The following CAPRIN2 variants were observed in gnomAD, a reference collection of about 807,000 sequenced individuals.
The protein encoded by CAPRIN2 is caprin family member 2.
Under a neutral mutation model 130.4 loss-of-function variants are expected in CAPRIN2, and 66 were observed. The ratio of observed to expected loss-of-function variants is 0.51; its 90% CI spans 0.42 to 0.62. CAPRIN2 has a LOEUF of 0.62. CAPRIN2 is among the 20% of genes least tolerant of loss of function. The probability of loss-of-function intolerance (pLI) is 0.00; values close to 1 mark genes in which losing one functional copy is unlikely to be tolerated. For missense variants in CAPRIN2, 1,185 were observed against 1,246.6 expected (o/e 0.95, Z 0.74); for synonymous variants, 471 against 444.1 (o/e 1.06, Z -0.76).
rs2064933649 is a variant in CAPRIN2 at position 30,725,870 on chromosome 12, C to A, written c.1905+96G>T. On this transcript the variant is annotated intron_variant, in intron 9 of 16. Coordinates refer to ENST00000298892, the Ensembl canonical transcript of CAPRIN2. ...GAGCTAGGAGGCAGCAGAGCCAGGACTTGACAGAATAATCTATGCTCTTAA... is the reference window on the plus strand; with the variant it reads ...GAGCTAGGAGGCAGCAGAGCCAGGAATTGACAGAATAATCTATGCTCTTAA... 3 of 1,112,272 alleles carry A rather than the reference C, an allele frequency of 2.7e-6. No homozygotes were observed. The South Asian group carries it at 9.4e-5, about 35-fold the overall frequency. The allele number at this position is 1,112,272 out of a possible 1,614,324, so 68.9% of individuals were successfully genotyped here.
At chr12:30,720,222 T>G (rs560198674) in intron 12 of CAPRIN2, 1 of 152,504 alleles carries the variant, frequency 6.6e-6, no homozygotes, top group South Asian at 2.1e-4. Context: ...TACCTGGGAC[T>G]AGAGGCATGA....
intron 2 of CAPRIN2, among the ~76,000 whole-genome samples, chr12:30,742,589 T>C (rs2068002722): frequency 6.6e-6 from 1 of 150,914 alleles, no homozygotes; most frequent in African/African-American, 2.4e-5. Context: ...GATATAAAAA[T>C]ACTAAATATA....
At chr12:30,734,786 G>A (rs1208157330) in intron 4 of CAPRIN2, among the ~76,000 whole-genome samples, 182 bp downstream of exon 5, 1 of 151,612 alleles carries the variant, frequency 6.6e-6, no homozygotes, top group African/African-American at 2.4e-5. Context: ...CAGACTCTGG[G>A]CCAGCCAAGG....
At chr12:30,737,101 C>T (rs1592188257) in intron 3 of CAPRIN2, among the ~76,000 whole-genome samples, 1 of 151,990 alleles carries the variant, frequency 6.6e-6, no homozygotes, top group Admixed American at 6.5e-5. Flanking sequence ...ACCTCTTGAG[C>T]TCAAGTGATC....
chr12:30,741,331 T>C (rs774417975), intron 2 of CAPRIN2, among the ~76,000 whole-genome samples: 80 of 152,140 alleles, frequency 5.3e-4, no homozygotes, highest in Non-Finnish European at 9.4e-4. Context: ...TCAATTTTTA[T>C]ATTAGAAATA....
chr12:30,710,417 A>C lies in CAPRIN2; in HGVS notation c.2719T>G (p.Phe907Val). Residue 907 changes from phenylalanine (F) to valine (V), a missense_variant, in exon 17 of 17, where the codon TTT (phenylalanine) becomes GTT (valine). By Grantham distance (50) the Phe-to-Val change is conservative. This residue lies in a region of CAPRIN2 where 1,104 missense variants were observed against 1,104.3 expected (regional missense o/e 1.00). Transcript: ENST00000298892. The surrounding 1 kb of genome is among the most constrained non-coding windows in gnomAD (Gnocchi z 4.8). ...CCTTGTCCAGAGTCACCACTGTTAA[A>C]GGTTTCGTTGTCTCTTTCTGGGCTG... 1 of 1,614,168 alleles carries C rather than the reference A, an allele frequency of 6.2e-7. No homozygotes were observed. Among genetic ancestry groups the C allele is most frequent in the Non-Finnish European group, 8.5e-7 (1 of 1,180,032 alleles).
intron 11 of CAPRIN2, 117 bp from the exon 13 acceptor site, chr12:30,721,032 T>C: frequency 1.4e-6 from 1 of 690,454 alleles, no homozygotes; most frequent in South Asian, 1.6e-5. Context: ...TGTCAAGCAC[T>C]CTGCTAAACA....
chr12:30,740,292 A>G (rs1430657192), intron 3 of CAPRIN2, among the ~76,000 whole-genome samples: 2 of 152,008 alleles, frequency 1.3e-5, no homozygotes, highest in African/African-American at 4.8e-5. Flanking sequence ...AAAAATATAA[A>G]TTTTTTTAAT....
chr12:30,753,471 T>C (rs1439202791), exon 1 of CAPRIN2: 2 of 1,614,214 alleles, frequency 1.2e-6, no homozygotes. Context: ...CAAGGCCCGC[T>C]GGCTTTCCCC....
intron 13 of CAPRIN2, 124 bp downstream of exon 15, chr12:30,716,384 A>G (rs1361140653): frequency 1.5e-5 from 13 of 849,270 alleles, no homozygotes; most frequent in Admixed American, 2.6e-5. Flanking sequence ...AGGAACATGT[A>G]AAGAAATAAT....
Position 30,729,335 on chromosome 12 carries a change from G to A in CAPRIN2, c.1105-10C>T. 1 of 1,531,558 alleles carries A rather than the reference G, an allele frequency of 6.5e-7. No individual in the cohort carries two copies. The highest frequency in any genetic ancestry group is 1.4e-5 in the African/African-American group (1 of 72,042). The allele number at this position is 1,531,558 out of a possible 1,614,324, so 94.9% of individuals were successfully genotyped here. A position where few individuals can be genotyped will look rare whatever the true frequency, so the allele number is the denominator to read the frequency against. On this transcript the variant is annotated splice_polypyrimidine_tract_variant and intron_variant, in intron 7 of 16. Coordinates refer to ENST00000298892, the Ensembl canonical transcript of CAPRIN2. ...AGCGTCTGTTAAGAAACTAGATAGA[G>A]AAACAATGCACTTAAGTCACAAAAT...
At chr12:30,731,343 C>T (rs769611171) in exon 6 of CAPRIN2, 2 of 1,611,160 alleles carry the variant, frequency 1.2e-6, no homozygotes. Context: ...CACAACAAAC[C>T]TGACTCTTTG....
At chr12:30,740,318 A>C (rs995855036) in intron 3 of CAPRIN2, among the ~76,000 whole-genome samples, 1 of 152,138 alleles carries the variant, frequency 6.6e-6, no homozygotes, top group Admixed American at 6.5e-5. Flanking sequence ...TATCCAAAAA[A>C]ATAGAAGAGA....
exon 6 of CAPRIN2, chr12:30,731,401 C>G: frequency 6.2e-7 from 1 of 1,613,072 alleles, no homozygotes; most frequent in Non-Finnish European, 8.5e-7. Context: ...ATTGTATTAG[C>G]ATTTCTTCCT....
chr12:30,753,997 C>T, exon 1 of CAPRIN2: 4 of 477,134 alleles, frequency 8.4e-6, no homozygotes, highest in Non-Finnish European at 1.5e-5. Flanking sequence ...TAAGGCTGAG[C>T]CACTCAAACC....
upstream of CAPRIN2, chr12:30,754,806 T>G (rs1485345): frequency 0.11 from 17,071 of 151,850 alleles, 1,129 homozygotes; most frequent in African/African-American, 0.17. Flanking sequence ...TTCCAAAGCC[T>G]GGGGGAGGCA....
At chr12:30,740,921 T>A in intron 3 of CAPRIN2, 99 bp downstream of exon 4, 1 of 692,770 alleles carries the variant, frequency 1.4e-6, no homozygotes, top group Non-Finnish European at 2.5e-6. Context: ...ATTAGAAGAA[T>A]AATAACCAAA....
intron 2 of CAPRIN2, among the ~76,000 whole-genome samples, chr12:30,742,440 A>T (rs2067929823): frequency 6.6e-6 from 1 of 151,888 alleles, no homozygotes; most frequent in African/African-American, 2.4e-5. Flanking sequence ...AAAAAATCTT[A>T]CTCCTGATTC....
At position 30,738,306 on chromosome 12, in the gene CAPRIN2, GA is replaced by G. The variant is rs960973682; in HGVS notation, c.570+2713del. On this transcript the variant is annotated intron_variant, in intron 3 of 16. Transcript: ENST00000298892. The stretch of plus-strand genomic sequence containing the variant: ...GCTACCTCTAGACTACAGCAGCAAA[GA>G]AAAAAAAAAACAAAACAGATAAGAC... 1.8e-3 allele frequency among the ~76,000 whole-genome samples: 243 copies of G among 134,254 alleles called. 4 individuals are homozygous for G. Among genetic ancestry groups the G allele is most frequent in the Admixed American group, 0.011 (144 of 13,448 alleles). 88.1% of individuals were successfully genotyped at this position (134,254 alleles called of 152,430 possible). A position where few individuals can be genotyped will look rare whatever the true frequency, so the allele number is the denominator to read the frequency against.
Sources: allele counts gnomAD v4.1 joint callset (sites outside exome capture counted in the v4.1 genomes callset), GRCh38; gene constraint gnomAD v4.1.1; regional missense constraint gnomAD v4.1.1; non-coding constraint Gnocchi (gnomAD v3.1); transcripts MANE v1.5; gene names NCBI Gene and HGNC (gene_info 2026-07-23, HGNC 2026-07-21).